The following GALNT9 variants were observed in gnomAD, a reference collection of about 807,000 sequenced individuals.
GALNT9 encodes the protein polypeptide N-acetylgalactosaminyltransferase 9, also known as GalNAc transferase 9.
In GALNT9, 47 loss-of-function variants were observed where a neutral mutation model predicts 63.1. The ratio of observed to expected loss-of-function variants is 0.75; its 90% CI spans 0.59 to 0.95. The LOEUF (loss-of-function observed/expected upper bound fraction) is 0.95. GALNT9 is among the 40% of genes least tolerant of loss of function. The pLI, the probability that GALNT9 is intolerant of heterozygous loss-of-function variation, is 0.00. For missense variants in GALNT9, 829 were observed against 874.8 expected (o/e 0.95, Z 0.66); for synonymous variants, 396 against 365.7 (o/e 1.08, Z -0.94).
In GALNT9 at chr12:132,270,998, C is replaced by A. The variant is rs564322288; in HGVS notation, c.420-8373G>T. 3.1e-4 allele frequency among the ~76,000 whole-genome samples: 47 copies of A among 152,122 alleles called. 1 individual carries two copies. In the East Asian group the frequency reaches 8.7e-3, roughly 28 times the overall value. On this transcript the variant is annotated intron_variant, in intron 2 of 10. Coordinates refer to ENST00000328957, the MANE Select transcript of GALNT9 (RefSeq NM_001122636.2). ...GGAGACAGGGGCAGAGAGAACGAGACAACAGCAGCACAGTCCTTAAAAATC... is the reference window on the plus strand; with the variant it reads ...GGAGACAGGGGCAGAGAGAACGAGAAAACAGCAGCACAGTCCTTAAAAATC...
intron 1 of GALNT9, among the ~76,000 whole-genome samples, chr12:132,302,742 G>A (rs1881347454): frequency 6.6e-6 from 1 of 152,252 alleles, no homozygotes; most frequent in Non-Finnish European, 1.5e-5. Flanking sequence ...GGAAGAGAAA[G>A]GCCAGGAGGG....
At chr12:132,276,592 T>C (rs1555241214) in intron 2 of GALNT9, 1 of 154,526 alleles carries the variant, frequency 6.5e-6, no homozygotes, top group Non-Finnish European at 1.5e-5. Context: ...TTAATATGCA[T>C]GAGGAGTCCG....
chr12:132,270,644 C>T (rs994717598), intron 2 of GALNT9, among the ~76,000 whole-genome samples: 2 of 152,218 alleles, frequency 1.3e-5, no homozygotes, highest in South Asian at 2.1e-4. Context: ...GTGGAGCTGT[C>T]GGCCGTCATC....
chr12:132,223,108 T>C (rs1261283187), intron 6 of GALNT9, among the ~76,000 whole-genome samples: 26 of 19,068 alleles, frequency 1.4e-3, no homozygotes, highest in Admixed American at 3.1e-3. Context: ...CCTACACAAC[T>C]CGCACCCCAG....
chr12:132,266,932 T>TG (rs1566005685), intron 2 of GALNT9, among the ~76,000 whole-genome samples: 1 of 152,052 alleles, frequency 6.6e-6, no homozygotes. Context: ...CTCCCTTGGC[T>TG]GGGGGCAGAG....
At chr12:132,289,420 A>G (rs1566014454) in intron 1 of GALNT9, among the ~76,000 whole-genome samples, 1 of 152,204 alleles carries the variant, frequency 6.6e-6, no homozygotes, top group Non-Finnish European at 1.5e-5. Context: ...TGAATGGCAA[A>G]CTGGTTTTAC....
At chr12:132,254,764 C>G (rs1879050443) in intron 5 of GALNT9, among the ~76,000 whole-genome samples, 1 of 152,202 alleles carries the variant, frequency 6.6e-6, no homozygotes, top group Admixed American at 6.5e-5. Context: ...CTTGGTCTGT[C>G]CCTATTCTCC....
In GALNT9 at chr12:132,215,934, C is replaced by T. The variant is rs114993524; in HGVS notation, c.1078-12244G>A. On this transcript the variant is annotated intron_variant, in intron 6 of 10. Coordinates refer to ENST00000328957, the MANE Select transcript of GALNT9 (RefSeq NM_001122636.2). ...CAGGCCTGAGGGGCTGCGTCCCCCTCCCCAATCCCCTGTCCAGGACTCAGC... is the reference window on the plus strand; with the variant it reads ...CAGGCCTGAGGGGCTGCGTCCCCCTTCCCAATCCCCTGTCCAGGACTCAGC... 2.2e-3 allele frequency among the ~76,000 whole-genome samples: 332 copies of T among 152,244 alleles called. 2 individuals carry two copies. The highest frequency in any genetic ancestry group is 7.6e-3 in the African/African-American group (314 of 41,544).
chr12:132,208,064 C>A (rs980715585), intron 6 of GALNT9, among the ~76,000 whole-genome samples: 8 of 152,206 alleles, frequency 5.3e-5, no homozygotes, highest in Admixed American at 5.2e-4. Flanking sequence ...GTGCCGCGCT[C>A]CCCGGGAGAT....
chr12:132,257,522 C>T, intron 5 of GALNT9, among the ~76,000 whole-genome samples, 167 bp downstream of exon 5: 1 of 118,102 alleles, frequency 8.5e-6, no homozygotes, highest in Non-Finnish European at 1.8e-5. Context: ...ACGCCCTCGT[C>T]CCCGGCCCTC....
chr12:132,298,130 C>T (rs1279737207), intron 1 of GALNT9, among the ~76,000 whole-genome samples: 1 of 152,154 alleles, frequency 6.6e-6, no homozygotes, highest in Non-Finnish European at 1.5e-5. Context: ...ACCTAGCCCA[C>T]TCCTGAGATA....
chr12:132,197,312 C>A, intron 10 of GALNT9, 59 bp from the exon 11 acceptor site: 2 of 1,587,622 alleles, frequency 1.3e-6, no homozygotes, highest in Non-Finnish European at 1.7e-6. Context: ...CCCCTCCCCC[C>A]ACCTCAGGGA....
At chr12:132,255,493 C>T (rs1378226898) in intron 5 of GALNT9, among the ~76,000 whole-genome samples, 1 of 152,216 alleles carries the variant, frequency 6.6e-6, no homozygotes, top group Admixed American at 6.5e-5. Flanking sequence ...CAATCTCCTC[C>T]TTCTGAAGCT....
At chr12:132,294,758 A>C (rs1417696998) in intron 1 of GALNT9, among the ~76,000 whole-genome samples, 1 of 87,090 alleles carries the variant, frequency 1.1e-5, no homozygotes, top group East Asian at 3.2e-4. Context: ...TGGCTTTCCC[A>C]GTCACGTTCC....
intron 5 of GALNT9, among the ~76,000 whole-genome samples, chr12:132,253,693 C>T (rs1486074783): frequency 6.6e-6 from 1 of 152,188 alleles, no homozygotes; most frequent in Non-Finnish European, 1.5e-5. Flanking sequence ...CAGTCTCTTG[C>T]CTCGGCACCT....
At chr12:132,200,223 C>G (rs1219340660) in intron 8 of GALNT9, among the ~76,000 whole-genome samples, 3 of 152,172 alleles carry the variant, frequency 2.0e-5, no homozygotes, top group Admixed American at 6.5e-5. Context: ...TTTTCCTTGC[C>G]CCATCCGAGT....
chr12:132,324,726 C>A (rs1868960535), intron 1 of GALNT9, among the ~76,000 whole-genome samples: 1 of 152,094 alleles, frequency 6.6e-6, no homozygotes, highest in Non-Finnish European at 1.5e-5. Context: ...GGCATTCTCC[C>A]CCCACCGCCC....
In GALNT9 at chr12:132,257,742, G is replaced by C. The variant is rs1555239250; in HGVS notation, c.906C>G (p.Tyr302Ter). The C allele has an allele frequency of 1.3e-6, 2 of 1,550,272 alleles. No individual in the cohort carries two copies. The highest frequency in any genetic ancestry group is 2.7e-5 in the African/African-American group (2 of 73,012). The change falls in exon 5 of 11, where the codon TAC (tyrosine) becomes TAG (stop). Residue 302 changes from tyrosine to a stop codon, truncating the protein, a stop_gained. Transcript: ENST00000328957. LOFTEE classifies it high-confidence loss of function. ...CCAGCCAGTCCTGCGGGGGGATGATGTACATGCACCAGAGGCCCCAGTTGT... is the reference window on the plus strand; with the variant it reads ...CCAGCCAGTCCTGCGGGGGGATGATCTACATGCACCAGAGGCCCCAGTTGT... Reference protein sequence around the residue: ...HGYNWGLWCMYIIPPQDWLDR... With the variant: ...HGYNWGLWCM
In GALNT9 at chr12:132,271,946, G is replaced by A. The variant is rs143743345; in HGVS notation, c.420-9321C>T. On this transcript the variant is annotated intron_variant, in intron 2 of 10. Transcript: ENST00000328957. Reference sequence around the variant, plus strand: ...CAGGGCGGCCACACGTGAACTGTGTGTGTCTCTGACCCTTGGGGACACGTT... The same window carrying A: ...CAGGGCGGCCACACGTGAACTGTGTATGTCTCTGACCCTTGGGGACACGTT... Among the ~76,000 whole-genome samples, 959 of 152,320 alleles carry A rather than the reference G, an allele frequency of 6.3e-3. 12 individuals carry two copies. Among genetic ancestry groups the A allele is most frequent in the African/African-American group, 0.022 (894 of 41,556 alleles).
Sources: allele counts gnomAD v4.1 joint callset (sites outside exome capture counted in the v4.1 genomes callset), GRCh38; gene constraint gnomAD v4.1.1; transcripts MANE v1.5; gene names NCBI Gene and HGNC (gene_info 2026-07-23, HGNC 2026-07-21).